The following ABHD10 variants were observed in gnomAD, a reference collection of about 807,000 sequenced individuals.
ABHD10 encodes abhydrolase domain containing 10, depalmitoylase, also known as palmitoyl-protein thioesterase ABHD10, mitochondrial.
ABHD10 carries 22 observed loss-of-function variants against 33.1 expected under a neutral mutation model. The observed-to-expected ratio is 0.66, with a 90% CI of 0.47 to 0.95. The LOEUF (loss-of-function observed/expected upper bound fraction) is 0.95, where lower values mean the gene tolerates loss of function less well. Ranked by LOEUF, ABHD10 falls within the 40% of genes least tolerant of loss-of-function variation. ABHD10 has a pLI of 0.00. For synonymous variants in ABHD10, 146 were observed against 133.9 expected, an observed-to-expected ratio of 1.09 and a Z score of -0.62; for missense variants, 352 against 379.9, an observed-to-expected ratio of 0.93 and a Z score of 0.61.
intron 4 of ABHD10, chr3:111,990,736 G>C: frequency 7.1e-7 from 1 of 1,410,200 alleles, no homozygotes; most frequent in South Asian, 1.5e-5. Flanking sequence ...TTTACATTCA[G>C]CCTAAAATTG....
chr3:111,991,967 T>C lies in ABHD10; in HGVS notation c.*246T>C. The C allele has an allele frequency of 2.8e-6, 1 of 360,970 alleles. No individual in the cohort carries two copies. Among genetic ancestry groups the C allele is most frequent in the Non-Finnish European group, 4.9e-6 (1 of 203,678 alleles). 22.4% of individuals were successfully genotyped at this position (360,970 alleles called of 1,614,324 possible). On this transcript the variant is annotated 3_prime_UTR_variant, in exon 5 of 5. Transcript: ENST00000273359. ...TCATTAAAGTATTTCCTTTTTTTAA[T>C]TCAAGAAAAGTTTACCTTTCTTATG...
chr3:111,987,098 ACTT>A (rs758477445), intron 4 of ABHD10, 47 bp downstream of exon 4: 28 of 1,586,536 alleles, frequency 1.8e-5, no homozygotes, highest in Admixed American at 1.3e-4. Context: ...TACCGCTTAT[ACTT>A]CTTCTGCTCC....
chr3:111,979,520 C>G (rs915599978), intron 1 of ABHD10, among the ~76,000 whole-genome samples: 2 of 152,246 alleles, frequency 1.3e-5, no homozygotes, highest in East Asian at 1.9e-4. Flanking sequence ...GCATTTAATG[C>G]ATTATTATTA....
At chr3:111,986,446 T>A in intron 3 of ABHD10, 71 bp downstream of exon 3, 2 of 1,284,316 alleles carry the variant, frequency 1.6e-6, no homozygotes, top group Non-Finnish European at 1.1e-6. Flanking sequence ...TGTTTTGTTT[T>A]GTTTTTTGAG....
chr3:111,985,963 T>C (rs1178488358), intron 2 of ABHD10, among the ~76,000 whole-genome samples: 1 of 152,176 alleles, frequency 6.6e-6, no homozygotes, highest in Non-Finnish European at 1.5e-5. Context: ...CACTCTACTA[T>C]ATAGGGAAAG....
At chr3:111,980,520 G>A (rs1701750526) in intron 1 of ABHD10, among the ~76,000 whole-genome samples, 1 of 152,078 alleles carries the variant, frequency 6.6e-6, no homozygotes, top group African/African-American at 2.4e-5. Flanking sequence ...AAGACTCTAA[G>A]GAAGTACACA....
chr3:111,991,832 TATAAG>T lies in ABHD10; in HGVS notation c.*114_*118del, dbSNP rs1351513313. ...TTTTCCCTTTCCTCTATTTTGTAAA[TATAAG>T]ATGAGTATTATTTAATGATGTATTT... is the stretch of plus-strand genomic sequence containing the variant. On this transcript the variant is annotated 3_prime_UTR_variant, in exon 5 of 5. Coordinates refer to ENST00000273359, the MANE Select transcript of ABHD10 (RefSeq NM_018394.4). 1.7e-5 allele frequency: 14 copies of T among 814,386 alleles called. No individual in the cohort carries two copies. The highest frequency in any genetic ancestry group is 3.4e-5 in the Admixed American group (1 of 29,080). 50.4% of individuals were successfully genotyped at this position (814,386 alleles called of 1,614,324 possible). A position where few individuals can be genotyped will look rare whatever the true frequency, so the allele number is the denominator to read the frequency against.
rs376838669 is a variant in ABHD10, at chr3:111,991,706, A to G, written c.906A>G (p.Ser302=). 62 of 1,610,192 alleles carry G rather than the reference A, an allele frequency of 3.9e-5. 1 individual carries two copies. In the Admixed American group the frequency reaches 7.4e-4, roughly 19 times the overall value. ...YTIDDLIDKL[S]TIVN is the part of the protein sequence containing the mutation. ...TTGATGACTTAATTGATAAGCTCTC[A>G]ACTATAGTTAACTAGTATCACATGT... The change falls in exon 5 of 5, where the codon TCA becomes TCG. Residue 302 remains serine (S), a synonymous_variant. Transcript: ENST00000273359.
chr3:111,989,996 G>C (rs1576069022), intron 4 of ABHD10, among the ~76,000 whole-genome samples: 1 of 152,024 alleles, frequency 6.6e-6, no homozygotes, highest in Middle Eastern at 3.4e-3. Context: ...TTTCAAATAT[G>C]TGTAGCTTTT....
chr3:111,984,358 A>C (rs957682199), intron 2 of ABHD10, among the ~76,000 whole-genome samples: 2 of 152,150 alleles, frequency 1.3e-5, no homozygotes, highest in Non-Finnish European at 2.9e-5. Flanking sequence ...TTCCACCAAA[A>C]AGGTTCATTT....
intron 4 of ABHD10, 133 bp from the exon 5 acceptor site, chr3:111,991,241 AATT>A: frequency 2.9e-6 from 2 of 679,996 alleles, no homozygotes; most frequent in Non-Finnish European, 4.9e-6. Flanking sequence ...AATTATTGAT[AATT>A]ATTATTGTTA....
intron 2 of ABHD10, among the ~76,000 whole-genome samples, chr3:111,982,573 T>C (rs946339713): frequency 6.6e-6 from 1 of 152,168 alleles, no homozygotes; most frequent in Non-Finnish European, 1.5e-5. Flanking sequence ...GAAGAGATGG[T>C]ATGATTTCGT....
At chr3:111,989,962 GTA>G (rs2072721061) in intron 4 of ABHD10, among the ~76,000 whole-genome samples, 2 of 151,842 alleles carry the variant, frequency 1.3e-5, no homozygotes, top group Non-Finnish European at 2.9e-5. Context: ...GAAAATCATA[GTA>G]TATTTGTTGA....
chr3:111,991,377 C>G lies in ABHD10; in HGVS notation c.577C>G (p.Leu193Val), dbSNP rs958726751. 7.5e-6 allele frequency: 12 copies of G among 1,591,144 alleles called. No homozygotes were observed. The African/African-American group carries it at 1.5e-4, about 20-fold the overall frequency. ...TTATTTTTCTTTCTTTTTCCAATAGCTAAAAAAGGAAGTAGAGATGAAAGG... is the reference window on the plus strand; with the variant it reads ...TTATTTTTCTTTCTTTTTCCAATAGGTAAAAAAGGAAGTAGAGATGAAAGG... ...VTKFNQLPVELKKEVEMKGVW... is the reference protein window; with the variant it reads ...VTKFNQLPVEVKKEVEMKGVW... Residue 193 changes from leucine (L) to valine (V), a missense_variant and splice_region_variant, in exon 5 of 5, where the codon CTA becomes GTA. Leu to Val is a conservative substitution (Grantham distance 32). Coordinates refer to ENST00000273359, the MANE Select transcript of ABHD10 (RefSeq NM_018394.4).
intron 1 of ABHD10, among the ~76,000 whole-genome samples, chr3:111,981,378 T>TCAAAAA (rs2072583279): frequency 2.6e-5 from 4 of 151,602 alleles, no homozygotes; most frequent in African/African-American, 4.9e-5. Flanking sequence ...AAAAATAAAT[T>TCAAAAA]TAAAAACAAA....
At chr3:111,984,677 G>A (rs1464800190) in intron 2 of ABHD10, among the ~76,000 whole-genome samples, 1 of 152,152 alleles carries the variant, frequency 6.6e-6, no homozygotes, top group Non-Finnish European at 1.5e-5. Context: ...AAGTGTTTAT[G>A]TTGTATATCA....
At chr3:111,987,954 G>A (rs967897852) in intron 4 of ABHD10, among the ~76,000 whole-genome samples, 1 of 152,158 alleles carries the variant, frequency 6.6e-6, no homozygotes, top group Non-Finnish European at 1.5e-5. Context: ...CAGCACCTGA[G>A]AACTTGTTAG....
intron 1 of ABHD10, among the ~76,000 whole-genome samples, chr3:111,980,614 A>G (rs1209458960): frequency 6.6e-6 from 1 of 152,232 alleles, no homozygotes. Context: ...GAGCAAGTAT[A>G]GATTTTATAA....
At chr3:111,981,013 A>C (rs2072577035) in intron 1 of ABHD10, among the ~76,000 whole-genome samples, 1 of 152,056 alleles carries the variant, frequency 6.6e-6, no homozygotes, top group African/African-American at 2.4e-5. Context: ...CCAAGAAAGT[A>C]GGGGATGAAA....
Sources: gnomAD v4.1 joint callset for allele counts (sites outside exome capture counted in the v4.1 genomes callset) on GRCh38, gnomAD v4.1.1 for gene constraint, MANE v1.5 for transcripts, NCBI Gene and HGNC (gene_info 2026-07-23, HGNC 2026-07-21) for gene names.